Variants in ASIC2 observed in about 807,000 individuals in gnomAD.
ASIC2 encodes the protein acid-sensing ion channel 2.
Under a neutral mutation model 57.3 loss-of-function variants are expected in ASIC2, and 25 were observed. That is an observed-to-expected ratio of 0.44 (90% confidence interval 0.32 to 0.61). ASIC2 has a LOEUF of 0.61. Ranked by LOEUF, ASIC2 falls within the 20% of genes least tolerant of loss-of-function variation. The pLI is 0.06. For synonymous variants in ASIC2, 319 were observed against 307.5 expected (o/e 1.04, Z -0.39); for missense variants, 641 against 738.1 (o/e 0.87, Z 1.52).
At chr17:33,530,287 T>TA (rs1332513907) in intron 1 of ASIC2, 1 of 152,248 alleles carries the variant, frequency 6.6e-6, no homozygotes, top group Non-Finnish European at 1.5e-5. Flanking sequence ...AAATGCTTTG[T>TA]AGACCTAATT....
At chr17:34,058,152 T>C (rs923249064) in intron 1 of ASIC2, among the ~76,000 whole-genome samples, 4 of 152,260 alleles carry the variant, frequency 2.6e-5, no homozygotes, top group African/African-American at 9.6e-5. Flanking sequence ...TACTCTCATC[T>C]CTTTTTACAT....
chr17:34,021,837 G>GTTTTTTTTTTTT (rs11394863), intron 1 of ASIC2, among the ~76,000 whole-genome samples: 31 of 118,314 alleles, frequency 2.6e-4, no homozygotes, highest in Non-Finnish European at 4.3e-4. Context: ...GTTTTGTTTT[G>GTTTTTTTTTTTT]TTTTTTTTTT....
At chr17:33,724,632 G>C (rs146282103) in intron 1 of ASIC2, among the ~76,000 whole-genome samples, 37 of 152,302 alleles carry the variant, frequency 2.4e-4, no homozygotes, top group Non-Finnish European at 4.6e-4. Flanking sequence ...CTGTGCACTT[G>C]GCAGAATGCA....
At chr17:33,100,205 C>T (rs1051423792) in intron 2 of ASIC2, 1 of 152,258 alleles carries the variant, frequency 6.6e-6, no homozygotes, top group African/African-American at 2.4e-5. Flanking sequence ...GCAGGACTCC[C>T]AAGAGAATAT....
intron 1 of ASIC2, among the ~76,000 whole-genome samples, chr17:33,602,139 G>T (rs576490377): frequency 1.3e-5 from 2 of 152,190 alleles, no homozygotes; most frequent in South Asian, 4.1e-4. Context: ...TTGGACTTTC[G>T]AGTTGATGCT....
chr17:33,177,806 A>G (rs1009803026), intron 1 of ASIC2, among the ~76,000 whole-genome samples: 1 of 152,118 alleles, frequency 6.6e-6, no homozygotes, highest in Non-Finnish European at 1.5e-5. Flanking sequence ...CTGAAATAAC[A>G]TGTCTTGAAC....
chr17:33,370,650 T>C (rs1909022630), intron 1 of ASIC2, among the ~76,000 whole-genome samples: 1 of 152,202 alleles, frequency 6.6e-6, no homozygotes, highest in African/African-American at 2.4e-5. Context: ...ATGCAAATTC[T>C]TTGATTAGCA....
chr17:33,947,839 T>C (rs1359883227), intron 1 of ASIC2, among the ~76,000 whole-genome samples: 1 of 152,236 alleles, frequency 6.6e-6, no homozygotes, highest in East Asian at 1.9e-4. Context: ...AGTTACATAT[T>C]ATGTATTTTT....
intron 1 of ASIC2, among the ~76,000 whole-genome samples, chr17:33,454,045 G>T (rs887294167): frequency 6.6e-6 from 1 of 152,138 alleles, no homozygotes; most frequent in Admixed American, 6.5e-5. Context: ...ATTTACTGTT[G>T]TTGGCTATTC....
chr17:33,036,622 G>A (rs941124259), intron 3 of ASIC2, among the ~76,000 whole-genome samples: 2 of 151,638 alleles, frequency 1.3e-5, no homozygotes, highest in African/African-American at 4.8e-5. Context: ...TTTTTTGGTA[G>A]AGATGGAGTG....
chr17:33,444,815 A>G (rs898132162), intron 1 of ASIC2, among the ~76,000 whole-genome samples: 1 of 152,200 alleles, frequency 6.6e-6, no homozygotes, highest in African/African-American at 2.4e-5. Context: ...TTGACCATAA[A>G]TAACCATAAA....
In ASIC2 at chr17:34,099,398, G is replaced by A. The variant is rs574240440; in HGVS notation, c.555+56580C>T. ...AAGAAAAAAGAGAAAGAGGAAAAAA[G>A]AGAGGAAGGAAGGAAAGAAAGAATG... On this transcript the variant is annotated intron_variant, in intron 1 of 9. Transcript: ENST00000359872. 4.5e-4 allele frequency among the ~76,000 whole-genome samples: 57 copies of A among 125,696 alleles called. 1 individual carries two copies. Among genetic ancestry groups the A allele is most frequent in the Admixed American group, 3.9e-3 (45 of 11,666 alleles). The allele number at this position is 125,696 out of a possible 152,430, so 82.5% of individuals were successfully genotyped here. A position where few individuals can be genotyped will look rare whatever the true frequency, so the allele number is the denominator to read the frequency against.
intron 1 of ASIC2, among the ~76,000 whole-genome samples, chr17:34,016,709 T>C (rs182587090): frequency 6.6e-6 from 1 of 152,314 alleles, no homozygotes; most frequent in Admixed American, 6.5e-5. Flanking sequence ...GTGTTTAACT[T>C]TGAAGAAATG....
In ASIC2 at chr17:34,156,630, G is replaced by C. The variant is rs1904734934; in HGVS notation, c.-98C>G. 7.7e-7 allele frequency: 1 copy of C among 1,306,320 alleles called. No homozygotes were observed. Among genetic ancestry groups the C allele is most frequent in the African/African-American group, 1.5e-5 (1 of 67,298 alleles). The allele number at this position is 1,306,320 out of a possible 1,614,324, so 80.9% of individuals were successfully genotyped here. ...TCTGCTTAAACCTTGACGTTCAGGGGAGAGAACGCAAGGCAAGCATCGCGC... is the reference window on the plus strand; with the variant it reads ...TCTGCTTAAACCTTGACGTTCAGGGCAGAGAACGCAAGGCAAGCATCGCGC... On this transcript the variant is annotated 5_prime_UTR_variant, in exon 1 of 10. Transcript: ENST00000359872. This position sits in a 1 kb window ranked among gnomAD's most constrained non-coding sequence, Gnocchi z 4.4.
intron 3 of ASIC2, among the ~76,000 whole-genome samples, chr17:33,084,219 T>C (rs1310711809): frequency 2.6e-5 from 4 of 152,164 alleles, no homozygotes; most frequent in African/African-American, 9.7e-5. Context: ...AATCTTCTCA[T>C]TTTACAGATG....
chr17:33,971,238 C>T (rs1465259159), intron 1 of ASIC2, among the ~76,000 whole-genome samples: 1 of 152,120 alleles, frequency 6.6e-6, no homozygotes, highest in East Asian at 1.9e-4. Flanking sequence ...CTCCTGCCTT[C>T]GTTTCCTGGG....
chr17:33,802,394 G>A (rs1015181509), intron 1 of ASIC2, among the ~76,000 whole-genome samples: 17 of 152,172 alleles, frequency 1.1e-4, no homozygotes, highest in African/African-American at 3.6e-4. Context: ...TTCTCAGAAC[G>A]TATTTCTGTT....
At chr17:34,040,523 T>C (rs771457432) in intron 1 of ASIC2, among the ~76,000 whole-genome samples, 4 of 152,128 alleles carry the variant, frequency 2.6e-5, no homozygotes, top group South Asian at 2.1e-4. Flanking sequence ...CTGCCAATTT[T>C]ATATGGGAAC....
intron 1 of ASIC2, among the ~76,000 whole-genome samples, chr17:33,730,085 C>T (rs1380319902): frequency 6.6e-6 from 1 of 152,134 alleles, no homozygotes; most frequent in Non-Finnish European, 1.5e-5. Flanking sequence ...GTTTCAAATA[C>T]AGGTTCAGCA....
Sources: allele counts gnomAD v4.1 joint callset (sites outside exome capture counted in the v4.1 genomes callset), GRCh38; gene constraint gnomAD v4.1.1; non-coding constraint Gnocchi (gnomAD v3.1); transcripts MANE v1.5; gene names NCBI Gene and HGNC (gene_info 2026-07-23, HGNC 2026-07-21).